Variants in HEMK2 observed in about 807,000 individuals in gnomAD.
HEMK2 encodes HemK methyltransferase 2, ETF1 glutamine and histone H4 lysine.
the HEMK2 span, among the ~76,000 whole-genome samples, chr21:28,877,259 GGGAAGGAAGGAAGGAAGGAA>G: frequency 5.3e-5 from 4 of 76,188 alleles, no homozygotes; most frequent in African/African-American, 1.9e-4. Flanking sequence ...GGGAAGAGAA[GGGAAGGAAGGAAGGAAGGAA>G]GGAAGGAAGG....
the HEMK2 span, among the ~76,000 whole-genome samples, chr21:28,819,738 C>T: frequency 2.6e-5 from 4 of 151,648 alleles, no homozygotes; most frequent in African/African-American, 7.3e-5. Context: ...TTAGTAGAGA[C>T]GGAATTTCAC....
At chr21:28,580,377 C>T in the HEMK2 span, among the ~76,000 whole-genome samples, 1 of 152,100 alleles carries the variant, frequency 6.6e-6, no homozygotes, top group Non-Finnish European at 1.5e-5. Context: ...AAAAGGAATG[C>T]AGCCTGGGAG....
chr21:28,819,544 C>CCT, the HEMK2 span, among the ~76,000 whole-genome samples: 1 of 111,904 alleles, frequency 8.9e-6, no homozygotes, highest in Non-Finnish European at 1.8e-5. Flanking sequence ...TTTTCTTTTC[C>CCT]TTTTTTTTTT....
chr21:28,745,803 T>G, the HEMK2 span, among the ~76,000 whole-genome samples: 1 of 152,194 alleles, frequency 6.6e-6, no homozygotes, highest in African/African-American at 2.4e-5. Flanking sequence ...TGGAATAACT[T>G]TTCTCACCCC....
chr21:28,788,492 A>C, the HEMK2 span, among the ~76,000 whole-genome samples: 8 of 152,054 alleles, frequency 5.3e-5, no homozygotes, highest in African/African-American at 1.9e-4. Flanking sequence ...AAACGGCATA[A>C]GAATGATACA....
At chr21:28,661,497 A>G in the HEMK2 span, among the ~76,000 whole-genome samples, 1 of 152,108 alleles carries the variant, frequency 6.6e-6, no homozygotes, top group African/African-American at 2.4e-5. Flanking sequence ...GCTAATGACT[A>G]AAAGTGCTAG....
the HEMK2 span, among the ~76,000 whole-genome samples, chr21:28,872,035 A>T: frequency 6.6e-6 from 1 of 152,192 alleles, no homozygotes; most frequent in African/African-American, 2.4e-5. Context: ...GCATATTCAC[A>T]GGTTTCAGTT....
the HEMK2 span, among the ~76,000 whole-genome samples, chr21:28,609,169 G>A: frequency 8.5e-5 from 13 of 152,154 alleles, no homozygotes; most frequent in Admixed American, 6.6e-5. Context: ...CTACCTCCAT[G>A]GGAGCAGAAG....
At chr21:28,816,071 C>T in the HEMK2 span, among the ~76,000 whole-genome samples, 6 of 152,144 alleles carry the variant, frequency 3.9e-5, no homozygotes, top group Non-Finnish European at 8.8e-5. Flanking sequence ...AGTGAAGAGG[C>T]AGCAAGAGAT....
At chr21:28,609,868 AT>A in the HEMK2 span, among the ~76,000 whole-genome samples, 1 of 152,068 alleles carries the variant, frequency 6.6e-6, no homozygotes, top group Non-Finnish European at 1.5e-5. Context: ...AAGACAAAAA[AT>A]TTTTTTAAAG....
At chr21:28,644,878 G>C in the HEMK2 span, among the ~76,000 whole-genome samples, 1 of 152,178 alleles carries the variant, frequency 6.6e-6, no homozygotes, top group Non-Finnish European at 1.5e-5. Context: ...TTGTTAATCT[G>C]ATGAGAGATT....
the HEMK2 span, among the ~76,000 whole-genome samples, chr21:28,785,180 A>G: frequency 6.6e-6 from 1 of 152,130 alleles, no homozygotes; most frequent in Admixed American, 6.5e-5. Flanking sequence ...AACTCCGGAC[A>G]CACCACCTTT....
At chr21:28,680,955 G>C in the HEMK2 span, among the ~76,000 whole-genome samples, 2 of 152,090 alleles carry the variant, frequency 1.3e-5, no homozygotes, top group Admixed American at 1.3e-4. Context: ...ATACTGAATG[G>C]GCAAAAACTG....
chr21:28,636,078 C>G, the HEMK2 span, among the ~76,000 whole-genome samples: 1 of 152,148 alleles, frequency 6.6e-6, no homozygotes, highest in East Asian at 1.9e-4. Flanking sequence ...TCCACACTTG[C>G]CTACAGTGGT....
the HEMK2 span, among the ~76,000 whole-genome samples, chr21:28,775,628 C>T: frequency 6.6e-6 from 1 of 152,034 alleles, no homozygotes; most frequent in Non-Finnish European, 1.5e-5. Context: ...AAAAATAATG[C>T]TTTTTTTCCC....
At chr21:28,657,554 A>T in the HEMK2 span, among the ~76,000 whole-genome samples, 1 of 152,082 alleles carries the variant, frequency 6.6e-6, no homozygotes, top group African/African-American at 2.4e-5. Context: ...GACTACAACA[A>T]CACCATGAAA....
At chr21:28,867,131 C>T in the HEMK2 span, among the ~76,000 whole-genome samples, 1 of 152,012 alleles carries the variant, frequency 6.6e-6, no homozygotes, top group African/African-American at 2.4e-5. Context: ...ATAATTGTAC[C>T]GTATGATTTA....
chr21:28,816,719 T>C, the HEMK2 span, among the ~76,000 whole-genome samples: 27,094 of 152,094 alleles, frequency 0.18, 3,042 homozygotes, highest in East Asian at 0.4. Flanking sequence ...GAGATACAGC[T>C]GAAGAATGAA....
chr21:28,588,026 G>T, the HEMK2 span, among the ~76,000 whole-genome samples: 5 of 152,168 alleles, frequency 3.3e-5, no homozygotes, highest in Admixed American at 3.3e-4. Context: ...AAATGCAGGG[G>T]TGTTCTCTCT....
Sources: allele counts gnomAD v4.1 joint callset (sites outside exome capture counted in the v4.1 genomes callset), GRCh38; gene constraint gnomAD v4.1.1; transcripts MANE v1.5; gene names NCBI Gene and HGNC (gene_info 2026-07-23, HGNC 2026-07-21).